The following HACD1 variants were observed in gnomAD, a reference collection of about 807,000 sequenced individuals.
The protein encoded by HACD1 is very-long-chain (3R)-3-hydroxyacyl-CoA dehydratase 1.
A neutral mutation model predicts 32.0 loss-of-function variants in HACD1; 41 were observed. That is an observed-to-expected ratio of 1.28 (90% CI 1.00 to 1.66). The LOEUF (loss-of-function observed/expected upper bound fraction) is 1.66. HACD1 is among the 40% of genes most tolerant of loss of function. The pLI, the probability that HACD1 is intolerant of heterozygous loss-of-function variation, is 0.00. For missense variants in HACD1, 396 were observed against 380.1 expected, an observed-to-expected ratio of 1.04 and a Z score of -0.35; for synonymous variants, 142 against 139.0, an observed-to-expected ratio of 1.02 and a Z score of -0.15.
At position 17,590,071 on chromosome 10, in the gene HACD1, C is replaced by G. The variant is rs191733011; in HGVS notation, c.*293G>C. 3.1e-5 allele frequency: 6 copies of G among 193,860 alleles called. No individual in the cohort carries two copies. Among genetic ancestry groups the G allele is most frequent in the Admixed American group, 1.8e-4 (3 of 16,608 alleles). 12.0% of individuals were successfully genotyped at this position (193,860 alleles called of 1,614,324 possible). A position where few individuals can be genotyped will look rare whatever the true frequency, so the allele number is the denominator to read the frequency against. ...AAATATTGATTTAAAAAGCTTTGAGCATGTTTCAAAAAAAACTTAGCAAAA... is the reference window on the plus strand; with the variant it reads ...AAATATTGATTTAAAAAGCTTTGAGGATGTTTCAAAAAAAACTTAGCAAAA... On this transcript the variant is annotated 3_prime_UTR_variant, in exon 7 of 7. Coordinates refer to ENST00000361271, the MANE Select transcript of HACD1 (RefSeq NM_014241.4).
intron 1 of HACD1, among the ~76,000 whole-genome samples, chr10:17,611,121 C>G (rs1834229291): frequency 6.6e-6 from 1 of 151,282 alleles, no homozygotes; most frequent in African/African-American, 2.4e-5. Context: ...CTGCCTCAGT[C>G]TCCCGAGTAG....
chr10:17,597,109 C>T (rs797038965), intron 5 of HACD1, among the ~76,000 whole-genome samples: 8 of 152,274 alleles, frequency 5.3e-5, no homozygotes, highest in African/African-American at 1.9e-4. Context: ...GATTTCAAAG[C>T]TGAAAGACTG....
chr10:17,600,212 TAAA>T (rs1329699473), intron 4 of HACD1, among the ~76,000 whole-genome samples: 8 of 152,222 alleles, frequency 5.3e-5, no homozygotes, highest in Non-Finnish European at 1.0e-4. Context: ...TCTTATTCCA[TAAA>T]AAATCTTTTC....
chr10:17,599,229 G>A (rs551733670), intron 5 of HACD1, 61 bp downstream of exon 5: 102 of 1,587,232 alleles, frequency 6.4e-5, no homozygotes, highest in African/African-American at 2.2e-4. Context: ...ATTCTCTGGC[G>A]TTAGCACACA....
rs151137347 is a variant in HACD1, at chr10:17,615,689, C to T, written c.257+1394G>A. 1.1e-3 allele frequency: 258 copies of T among 231,228 alleles called. 5 individuals carry two copies. The East Asian group carries it at 0.029, about 26-fold the overall frequency. The allele number at this position is 231,228 out of a possible 1,614,324, so 14.3% of individuals were successfully genotyped here. ...AAAAATTAAAATAAAATATTAGGCC[C>T]GGTGCGATGGCTCACACCTGTAATC... On this transcript the variant is annotated intron_variant, in intron 1 of 6. Transcript: ENST00000361271.
At position 17,591,976 on chromosome 10, in the gene HACD1, A is replaced by ATTTTTTTTTTTTTT. The variant is rs71393019; in HGVS notation, c.785-1544_785-1531dup. 8.7e-3 allele frequency among the ~76,000 whole-genome samples: 843 copies of ATTTTTTTTTTTTTT among 96,912 alleles called. 130 individuals are homozygous for ATTTTTTTTTTTTTT. Among genetic ancestry groups the ATTTTTTTTTTTTTT allele is most frequent in the African/African-American group, 0.032 (722 of 22,262 alleles). 63.6% of individuals were successfully genotyped at this position (96,912 alleles called of 152,430 possible). A position where few individuals can be genotyped will look rare whatever the true frequency, so the allele number is the denominator to read the frequency against. On this transcript the variant is annotated intron_variant, in intron 6 of 6. Coordinates refer to ENST00000361271, the MANE Select transcript of HACD1 (RefSeq NM_014241.4). ...CCCTGCCTTAACTCACCAGCTACTG[A>ATTTTTTTTTTTTTT]TTTTTTTTTTTTTTTTTTTTTTTGA... is the stretch of plus-strand genomic sequence containing the variant.
chr10:17,598,963 A>T (rs1834031235), intron 5 of HACD1: 1 of 184,964 alleles, frequency 5.4e-6, no homozygotes, highest in Admixed American at 5.7e-5. Context: ...AAAAAAACAT[A>T]TTTTTGGTAC....
At chr10:17,594,476 A>G in intron 5 of HACD1, 93 bp from the exon 6 acceptor site, 1 of 975,484 alleles carries the variant, frequency 1.0e-6, no homozygotes, top group African/African-American at 1.7e-5. Flanking sequence ...TTTAAACTTC[A>G]AAATTCTCTT....
intron 6 of HACD1, among the ~76,000 whole-genome samples, chr10:17,592,083 G>A (rs1348134364): frequency 6.8e-6 from 1 of 147,590 alleles, no homozygotes. Context: ...CCCGGTTTCA[G>A]TGATTTTCCT....
At chr10:17,599,509 G>A (rs1038011856) in intron 4 of HACD1, 98 bp from the exon 5 acceptor site, 31 of 1,449,252 alleles carry the variant, frequency 2.1e-5, no homozygotes, top group African/African-American at 1.7e-4. Context: ...ATTTATAATG[G>A]AATGTTAGGG....
intron 1 of HACD1, among the ~76,000 whole-genome samples, chr10:17,609,439 C>T (rs1267771940): frequency 2.0e-5 from 3 of 152,018 alleles, no homozygotes; most frequent in Non-Finnish European, 4.4e-5. Context: ...AAGTGTGAGC[C>T]ACCGTGCCCA....
In HACD1 at chr10:17,589,085, T is replaced by C. The variant is rs1196138596; in HGVS notation, c.*1279A>G. On this transcript the variant is annotated 3_prime_UTR_variant, in exon 7 of 7. Coordinates refer to ENST00000361271, the MANE Select transcript of HACD1 (RefSeq NM_014241.4). ...GGACAGGAACTTTATTACAAGACCT[T>C]TTGCTATTCAATGGAATTCAGAATG... 1 of 152,160 alleles carries C rather than the reference T, an allele frequency of 6.6e-6. No individual in the cohort carries two copies. The highest frequency in any genetic ancestry group is 1.5e-5 in the Non-Finnish European group (1 of 68,036). 9.4% of individuals were successfully genotyped at this position (152,160 alleles called of 1,614,324 possible). A position where few individuals can be genotyped will look rare whatever the true frequency, so the allele number is the denominator to read the frequency against.
intron 5 of HACD1, among the ~76,000 whole-genome samples, chr10:17,596,758 G>T (rs1178577355): frequency 1.3e-5 from 2 of 151,618 alleles, no homozygotes; most frequent in African/African-American, 4.8e-5. Flanking sequence ...AAATTTTTTT[G>T]AAGGGAGTGC....
At chr10:17,597,652 T>C (rs952840607) in intron 5 of HACD1, among the ~76,000 whole-genome samples, 1 of 152,198 alleles carries the variant, frequency 6.6e-6, no homozygotes, top group African/African-American at 2.4e-5. Flanking sequence ...AGAGACTATA[T>C]GGTAAGTTAG....
chr10:17,609,294 T>C (rs993152421), intron 1 of HACD1, among the ~76,000 whole-genome samples: 54 of 151,790 alleles, frequency 3.6e-4, no homozygotes, highest in African/African-American at 1.2e-3. Flanking sequence ...GCTGAGACTA[T>C]AGGCGCCCGC....
intron 1 of HACD1, among the ~76,000 whole-genome samples, chr10:17,605,648 TAA>T (rs556118206): frequency 7.2e-6 from 1 of 139,724 alleles, no homozygotes. Flanking sequence ...AAAGGTTGTT[TAA>T]AAAAAAAAAA....
At chr10:17,608,504 CCTT>C (rs1554817230) in intron 1 of HACD1, among the ~76,000 whole-genome samples, 1 of 149,418 alleles carries the variant, frequency 6.7e-6, no homozygotes, top group Non-Finnish European at 1.5e-5. Flanking sequence ...CACTTTGTCT[CCTT>C]TTTTTTTGAA....
chr10:17,605,489 C>A (rs1425426010), intron 1 of HACD1, among the ~76,000 whole-genome samples: 2 of 148,292 alleles, frequency 1.3e-5, no homozygotes, highest in Non-Finnish European at 3.0e-5. Flanking sequence ...CACGCCACTG[C>A]ATTCCAGCCT....
chr10:17,593,944 C>G (rs1554815778), intron 6 of HACD1, among the ~76,000 whole-genome samples: 1 of 152,114 alleles, frequency 6.6e-6, no homozygotes, highest in African/African-American at 2.4e-5. Flanking sequence ...AAAAATCATA[C>G]TAAGCTGATG....
Sources: gnomAD v4.1 joint callset for allele counts (sites outside exome capture counted in the v4.1 genomes callset) on GRCh38, gnomAD v4.1.1 for gene constraint, MANE v1.5 for transcripts, NCBI Gene and HGNC (gene_info 2026-07-23, HGNC 2026-07-21) for gene names.